Variants in CPPED1 observed in about 807,000 individuals in gnomAD.
The protein encoded by CPPED1 is serine/threonine-protein phosphatase CPPED1.
CPPED1 carries 28 observed loss-of-function variants against 28.0 expected under a neutral mutation model. The ratio of observed to expected loss-of-function variants is 1.00; its 90% CI spans 0.74 to 1.37. The LOEUF (loss-of-function observed/expected upper bound fraction) is 1.37. Among genes scored for constraint, CPPED1 ranks in the 40% most tolerant of loss-of-function variants. The pLI is 0.00. For missense variants in CPPED1, 504 were observed against 416.5 expected (o/e 1.21, Z -1.83); for synonymous variants, 198 against 180.2 (o/e 1.10, Z -0.79).
rs537413825 is a variant in CPPED1, at chr16:12,784,997, A to G, written c.71-3594T>C. ...ACGACAGCTCACATATCAGTATTCAATCTACCTTACTTATCTAATGAGGTA... is the reference window on the plus strand; with the variant it reads ...ACGACAGCTCACATATCAGTATTCAGTCTACCTTACTTATCTAATGAGGTA... On this transcript the variant is annotated intron_variant, in intron 1 of 3. Coordinates refer to ENST00000381774, the MANE Select transcript of CPPED1 (RefSeq NM_018340.3). Among the ~76,000 whole-genome samples, 19 of 152,342 alleles carry G rather than the reference A, an allele frequency of 1.2e-4. No individual in the cohort carries two copies. The South Asian group carries it at 1.5e-3, about 12-fold the overall frequency.
Position 12,803,884 on chromosome 16 carries a change from T to G in CPPED1, c.-108A>C. ...TCCCGCTTTGGGCGACGCCCTTTGA[T>G]CTCGGGGCGGGACTGGGGCGGGACG... On this transcript the variant is annotated 5_prime_UTR_variant, in exon 1 of 4. Transcript: ENST00000381774. 21 of 860,954 alleles carry G rather than the reference T, an allele frequency of 2.4e-5. No homozygotes were observed. The highest frequency in any genetic ancestry group is 2.3e-4 in the Middle Eastern group (1 of 4,282). 53.3% of individuals were successfully genotyped at this position (860,954 alleles called of 1,614,324 possible). A position where few individuals can be genotyped will look rare whatever the true frequency, so the allele number is the denominator to read the frequency against.
At chr16:12,666,387 T>C (rs1051687343) in intron 3 of CPPED1, among the ~76,000 whole-genome samples, 3 of 152,002 alleles carry the variant, frequency 2.0e-5, no homozygotes, top group African/African-American at 7.3e-5. Flanking sequence ...CAGGGGAAAA[T>C]GGGGAAAATA....
At chr16:12,692,474 C>T (rs973280069) in intron 3 of CPPED1, among the ~76,000 whole-genome samples, 2 of 152,190 alleles carry the variant, frequency 1.3e-5, no homozygotes. Flanking sequence ...TGAGCACCTA[C>T]CAGGAGCCAG....
chr16:12,704,845 G>T lies in CPPED1; in HGVS notation c.494C>A (p.Ser165Tyr), dbSNP rs267604414. 6.2e-7 allele frequency: 1 copy of T among 1,614,200 alleles called. No individual in the cohort carries two copies. Among genetic ancestry groups the T allele is most frequent in the Non-Finnish European group, 8.5e-7 (1 of 1,180,026 alleles). Residue 165 changes from serine to tyrosine, a missense_variant, in exon 3 of 4, where the codon TCC becomes TAC. Physicochemically the swap from Ser to Tyr is moderately radical, Grantham distance 144. Transcript: ENST00000381774. ...VGGVLFLVLN[S>Y]QFYENPSKCP... ...TTTGGAGGGGTTCTCGTAGAACTGG[G>T]AGTTGAGGACCAGGAACAGGACGCC...
intron 2 of CPPED1, among the ~76,000 whole-genome samples, chr16:12,772,255 AC>A (rs1313751539): frequency 6.6e-6 from 1 of 152,248 alleles, no homozygotes; most frequent in Non-Finnish European, 1.5e-5. Context: ...GTGAACAGCT[AC>A]CAAACTAGAT....
At chr16:12,683,743 G>T (rs1185224250) in intron 3 of CPPED1, among the ~76,000 whole-genome samples, 2 of 152,086 alleles carry the variant, frequency 1.3e-5, no homozygotes, top group East Asian at 3.9e-4. Context: ...GATCTTCCTG[G>T]TTGCCTGATC....
At chr16:12,796,605 GAACC>G (rs1026055691) in intron 1 of CPPED1, among the ~76,000 whole-genome samples, 2 of 152,174 alleles carry the variant, frequency 1.3e-5, no homozygotes, top group African/African-American at 4.8e-5. Context: ...GGAGAAACTG[GAACC>G]CATATACACT....
intron 2 of CPPED1, among the ~76,000 whole-genome samples, chr16:12,774,708 G>A (rs761921308): frequency 1.3e-5 from 2 of 152,188 alleles, no homozygotes; most frequent in Non-Finnish European, 2.9e-5. Context: ...TGGCTGGATC[G>A]TGAGGGCCAT....
chr16:12,751,832 T>C (rs1319591299), intron 2 of CPPED1, among the ~76,000 whole-genome samples: 1 of 152,200 alleles, frequency 6.6e-6, no homozygotes, highest in Non-Finnish European at 1.5e-5. Flanking sequence ...TTTTTATGCT[T>C]TTCAGTTTTT....
At chr16:12,685,962 TG>T (rs2079930592) in intron 3 of CPPED1, among the ~76,000 whole-genome samples, 1 of 152,160 alleles carries the variant, frequency 6.6e-6, no homozygotes, top group African/African-American at 2.4e-5. Flanking sequence ...GCCTAAGGAA[TG>T]GGTCATGACA....
At chr16:12,743,365 C>A (rs529976210) in intron 2 of CPPED1, among the ~76,000 whole-genome samples, 1 of 152,224 alleles carries the variant, frequency 6.6e-6, no homozygotes, top group South Asian at 2.1e-4. Context: ...TATAAAACAC[C>A]TTTTCAGCTC....
intron 3 of CPPED1, among the ~76,000 whole-genome samples, chr16:12,690,030 AC>A (rs1161280335): frequency 1.3e-5 from 2 of 152,220 alleles, no homozygotes; most frequent in Admixed American, 6.5e-5. Context: ...TTTTCTCAAG[AC>A]AATGTTTCAA....
At chr16:12,768,310 C>CT (rs1214282208) in intron 2 of CPPED1, among the ~76,000 whole-genome samples, 1 of 152,234 alleles carries the variant, frequency 6.6e-6, no homozygotes, top group African/African-American at 2.4e-5. Flanking sequence ...GCGAGGCTCT[C>CT]TGTTTTCACT....
At chr16:12,789,203 G>C (rs1596486191) in intron 1 of CPPED1, among the ~76,000 whole-genome samples, 1 of 151,904 alleles carries the variant, frequency 6.6e-6, no homozygotes, top group African/African-American at 2.4e-5. Context: ...TGGGGTTTGT[G>C]CTCTCAAATT....
chr16:12,783,305 C>T (rs1349425466), intron 1 of CPPED1, among the ~76,000 whole-genome samples: 1 of 152,124 alleles, frequency 6.6e-6, no homozygotes, highest in Admixed American at 6.5e-5. Context: ...TGAGAACATC[C>T]TGGCCAACAT....
At chr16:12,714,247 C>T (rs527388912) in intron 2 of CPPED1, among the ~76,000 whole-genome samples, 34 of 152,284 alleles carry the variant, frequency 2.2e-4, no homozygotes, top group African/African-American at 7.0e-4. Context: ...TAAAAATCCA[C>T]GTGCAAGTTT....
At chr16:12,758,408 A>T (rs1393968514) in intron 2 of CPPED1, among the ~76,000 whole-genome samples, 2 of 152,226 alleles carry the variant, frequency 1.3e-5, no homozygotes, top group African/African-American at 2.4e-5. Context: ...GTCATCAGAC[A>T]GTGAGGCAGG....
chr16:12,694,786 T>TC (rs2079981546), intron 3 of CPPED1, among the ~76,000 whole-genome samples: 2 of 151,328 alleles, frequency 1.3e-5, no homozygotes. Flanking sequence ...CCCCCCCCTT[T>TC]TTTTTTTTGA....
intron 3 of CPPED1, among the ~76,000 whole-genome samples, chr16:12,689,598 C>A (rs2079951765): frequency 6.6e-6 from 1 of 151,798 alleles, no homozygotes; most frequent in Admixed American, 6.6e-5. Context: ...ACCCCCAATC[C>A]CCCAAGCTGT....
Sources: gnomAD v4.1 joint callset for allele counts (sites outside exome capture counted in the v4.1 genomes callset) on GRCh38, gnomAD v4.1.1 for gene constraint, MANE v1.5 for transcripts, NCBI Gene and HGNC (gene_info 2026-07-23, HGNC 2026-07-21) for gene names.